The following LOXL2 variants were observed in gnomAD, a reference collection of about 807,000 sequenced individuals.
The protein encoded by LOXL2 is lysyl oxidase like 2.
In LOXL2, 70 loss-of-function variants were observed where a neutral mutation model predicts 93.0. The observed-to-expected ratio is 0.75, with a 90% CI of 0.62 to 0.92. LOXL2 has a LOEUF of 0.92. Ranked by LOEUF, LOXL2 falls within the 40% of genes least tolerant of loss-of-function variation. The pLI is 0.00. For missense variants in LOXL2, 973 were observed against 1,054.9 expected, an observed-to-expected ratio of 0.92 and a Z score of 1.08; for synonymous variants, 438 against 413.2, an observed-to-expected ratio of 1.06 and a Z score of -0.73.
rs757777622 is a variant in LOXL2 at position 23,368,030 on chromosome 8, A to G, written c.322T>C (p.Trp108Arg). The G allele has an allele frequency of 6.2e-7, 1 of 1,613,830 alleles. No individual in the cohort carries two copies. The highest frequency in any genetic ancestry group is 1.1e-5 in the South Asian group (1 of 91,086). Residue 108 changes from tryptophan (W) to arginine (R), a missense_variant, in exon 2 of 14, where the codon TGG becomes CGG. Trp to Arg is a moderately radical substitution (Grantham distance 101, BLOSUM62 -3). Transcript: ENST00000389131. ...TTGCCGTAGGAGGAGCTGGCAGTCCAGGACTTGGCCTCCACGTAGCCCAGC... is the reference window on the plus strand; with the variant it reads ...TTGCCGTAGGAGGAGCTGGCAGTCCGGGACTTGGCCTCCACGTAGCCCAGC... ...RELGYVEAKS[W>R]TASSSYGKGE...
intron 1 of LOXL2, among the ~76,000 whole-genome samples, chr8:23,390,538 A>T (rs1248809106): frequency 6.6e-6 from 1 of 152,170 alleles, no homozygotes; most frequent in South Asian, 2.1e-4. Flanking sequence ...TTGTTGGCAT[A>T]ATTTGTTGTG....
At chr8:23,339,542 T>A (rs1198490861) in intron 4 of LOXL2, among the ~76,000 whole-genome samples, 2 of 152,144 alleles carry the variant, frequency 1.3e-5, no homozygotes, top group Admixed American at 6.6e-5. Flanking sequence ...GGGAGATGGC[T>A]TCCAAACGCC....
chr8:23,358,135 G>A (rs535957216), intron 3 of LOXL2, among the ~76,000 whole-genome samples: 1 of 152,312 alleles, frequency 6.6e-6, no homozygotes, highest in East Asian at 1.9e-4. Flanking sequence ...AAGCCCATCC[G>A]TCAGATCATA....
rs1178917449 is a variant in LOXL2 at position 23,342,433 on chromosome 8, C to CTT, written c.532-1232_532-1231dup. The stretch of plus-strand genomic sequence containing the variant: ...ACCAAAGAGCCTCTTTTTTCTTTTT[C>CTT]TTTTTTTTTTTTTTTTGAGACGGAG... On this transcript the variant is annotated intron_variant, in intron 3 of 13. Coordinates refer to ENST00000389131, the MANE Select transcript of LOXL2 (RefSeq NM_002318.3). 1.7e-3 allele frequency among the ~76,000 whole-genome samples: 231 copies of CTT among 137,304 alleles called. 1 individual carries two copies. Among genetic ancestry groups the CTT allele is most frequent in the African/African-American group, 6.0e-3 (212 of 35,598 alleles). The allele number at this position is 137,304 out of a possible 152,430, so 90.1% of individuals were successfully genotyped here.
At chr8:23,299,286 A>C (rs923883784) in intron 12 of LOXL2, among the ~76,000 whole-genome samples, 5 of 152,292 alleles carry the variant, frequency 3.3e-5, no homozygotes, top group Admixed American at 2.6e-4. Flanking sequence ...CAAAAAGAAG[A>C]TGCTGAAGAG....
chr8:23,339,024 G>C (rs1167853322), intron 4 of LOXL2, among the ~76,000 whole-genome samples: 1 of 152,216 alleles, frequency 6.6e-6, no homozygotes, highest in African/African-American at 2.4e-5. Context: ...GCTTAGGCCA[G>C]TGGTCTCTGA....
At chr8:23,342,988 GC>G (rs1803908685) in intron 3 of LOXL2, among the ~76,000 whole-genome samples, 1 of 151,940 alleles carries the variant, frequency 6.6e-6, no homozygotes, top group East Asian at 1.9e-4. Flanking sequence ...TGGCCTCAAG[GC>G]ATCCTCCCAC....
chr8:23,372,510 G>A (rs1302256364), intron 1 of LOXL2, among the ~76,000 whole-genome samples: 1 of 152,016 alleles, frequency 6.6e-6, no homozygotes, highest in Non-Finnish European at 1.5e-5. Context: ...GAGCCACCAC[G>A]CCCAGCCCAA....
intron 6 of LOXL2, among the ~76,000 whole-genome samples, chr8:23,324,925 A>G (rs1803552178): frequency 6.6e-6 from 1 of 152,272 alleles, no homozygotes; most frequent in Admixed American, 6.5e-5. Flanking sequence ...TGTCACATGC[A>G]TTCCTTCTTG....
chr8:23,347,852 G>A (rs1804019800), intron 3 of LOXL2, among the ~76,000 whole-genome samples: 1 of 151,966 alleles, frequency 6.6e-6, no homozygotes, highest in Non-Finnish European at 1.5e-5. Context: ...TCCCATTACT[G>A]GGTATATACC....
rs1235733071 is a variant in LOXL2 at position 23,324,869 on chromosome 8, T to C, written c.1151-2588A>G. Among the ~76,000 whole-genome samples, 3 of 152,232 alleles carry C rather than the reference T, an allele frequency of 2.0e-5. No homozygotes were observed. The East Asian group carries it at 5.8e-4, about 29-fold the overall frequency. ...AGGACATGTCACGGGTTCTGCATATTGTAAAGCTAAGCTCTTGTTTAGAAA... is the reference window on the plus strand; with the variant it reads ...AGGACATGTCACGGGTTCTGCATATCGTAAAGCTAAGCTCTTGTTTAGAAA... On this transcript the variant is annotated intron_variant, in intron 6 of 13. Transcript: ENST00000389131.
intron 8 of LOXL2, among the ~76,000 whole-genome samples, chr8:23,318,519 C>A (rs930797941): frequency 6.6e-6 from 1 of 151,698 alleles, no homozygotes; most frequent in South Asian, 2.1e-4. Context: ...TGACCAATAC[C>A]CACCTCCATC....
chr8:23,304,929 C>T (rs1007500707), intron 10 of LOXL2, among the ~76,000 whole-genome samples: 9 of 152,154 alleles, frequency 5.9e-5, no homozygotes, highest in African/African-American at 2.2e-4. Flanking sequence ...GCTCTTTTCC[C>T]TTCCTCCTGC....
chr8:23,329,486 T>C (rs4512387), intron 5 of LOXL2, among the ~76,000 whole-genome samples: 111,145 of 152,136 alleles, frequency 0.73, 40,880 homozygotes, highest in South Asian at 0.82. Flanking sequence ...AGCTGGGTCA[T>C]TTGACTCCAG....
chr8:23,341,715 C>T (rs1803885621), intron 3 of LOXL2, among the ~76,000 whole-genome samples: 1 of 152,164 alleles, frequency 6.6e-6, no homozygotes, highest in Non-Finnish European at 1.5e-5. Flanking sequence ...GCTGGTGGTG[C>T]CACCCTGCAG....
At chr8:23,376,853 G>C (rs1285580476) in intron 1 of LOXL2, among the ~76,000 whole-genome samples, 1 of 152,080 alleles carries the variant, frequency 6.6e-6, no homozygotes, top group African/African-American at 2.4e-5. Context: ...AGTCTTGCTA[G>C]CAGTCTATCA....
intron 9 of LOXL2, among the ~76,000 whole-genome samples, chr8:23,310,189 A>G (rs1294109499): frequency 1.3e-5 from 2 of 152,256 alleles, no homozygotes; most frequent in Non-Finnish European, 2.9e-5. Flanking sequence ...AGCACAGATC[A>G]TGGTACGTTA....
Position 23,307,239 on chromosome 8 carries a change from C to T in LOXL2, c.1880+2429G>A, listed in dbSNP as rs938418691. Among the ~76,000 whole-genome samples the T allele has an allele frequency of 2.0e-5, 3 of 152,178 alleles. No individual in the cohort carries two copies. In the East Asian group the frequency reaches 5.8e-4, roughly 29 times the overall value. The stretch of plus-strand genomic sequence containing the variant: ...CCAACAGATGTTTGAGGCCAGGATC[C>T]TGTTCCTCCCACAGCACCTGGAGAA... On this transcript the variant is annotated intron_variant, in intron 10 of 13. Coordinates refer to ENST00000389131, the MANE Select transcript of LOXL2 (RefSeq NM_002318.3).
chr8:23,370,092 A>C (rs1180225719), intron 1 of LOXL2, among the ~76,000 whole-genome samples: 4 of 152,132 alleles, frequency 2.6e-5, no homozygotes, highest in Non-Finnish European at 4.4e-5. Flanking sequence ...GCTTGGATAC[A>C]AAAGCCTTTA....
Sources: allele counts gnomAD v4.1 joint callset (sites outside exome capture counted in the v4.1 genomes callset), GRCh38; gene constraint gnomAD v4.1.1; transcripts MANE v1.5; gene names NCBI Gene and HGNC (gene_info 2026-07-23, HGNC 2026-07-21).